CRTC1: variants seen among roughly 807,000 people sequenced by gnomAD.
CRTC1 encodes the protein CREB regulated transcription coactivator 1.
A neutral mutation model predicts 66.1 loss-of-function variants in CRTC1; 18 were observed. That is an observed-to-expected ratio of 0.27 (90% confidence interval 0.19 to 0.40). The LOEUF is 0.40. CRTC1 is among the 10% of genes least tolerant of loss of function. The probability of loss-of-function intolerance (pLI) is 1.00; values close to 1 mark genes in which losing one functional copy is unlikely to be tolerated. For synonymous variants in CRTC1, 416 were observed against 398.8 expected (o/e 1.04, Z -0.51); for missense variants, 669 against 887.9 (o/e 0.75, Z 3.13).
chr19:18,685,688 C>T (rs2052669835), intron 1 of CRTC1, among the ~76,000 whole-genome samples: 1 of 152,064 alleles, frequency 6.6e-6, no homozygotes. Flanking sequence ...AAGTGTGCAA[C>T]TTGAGCATCC....
At chr19:18,765,295 G>A in intron 8 of CRTC1, 109 bp from the exon 9 acceptor site, 3 of 1,455,890 alleles carry the variant, frequency 2.1e-6, no homozygotes, top group Non-Finnish European at 2.7e-6. Flanking sequence ...ATGGGCTTCT[G>A]TCTGAGCAGT....
chr19:18,708,094 G>T (rs574452936), intron 1 of CRTC1, among the ~76,000 whole-genome samples: 1 of 152,314 alleles, frequency 6.6e-6, no homozygotes, highest in African/African-American at 2.4e-5. Context: ...CCGAGTTGCC[G>T]GTGCAAGAGG....
chr19:18,721,697 GT>G (rs2053634109), intron 1 of CRTC1, among the ~76,000 whole-genome samples: 1 of 152,070 alleles, frequency 6.6e-6, no homozygotes, highest in African/African-American at 2.4e-5. Context: ...GTCTTGCTAT[GT>G]TGCCCAGGCT....
chr19:18,743,826 A>G (rs2054167775), intron 2 of CRTC1, among the ~76,000 whole-genome samples: 1 of 152,218 alleles, frequency 6.6e-6, no homozygotes, highest in East Asian at 1.9e-4. Context: ...AGTGCGGGCC[A>G]TCACTGATGC....
chr19:18,734,083 CAA>C lies in CRTC1; in HGVS notation c.127-8826_127-8825del, dbSNP rs541945712. Among the ~76,000 whole-genome samples, 19 of 150,706 alleles carry C rather than the reference CAA, an allele frequency of 1.3e-4. No individual in the cohort carries two copies. In the South Asian group the frequency reaches 3.8e-3, roughly 30 times the overall value. On this transcript the variant is annotated intron_variant, in intron 1 of 13. Transcript: ENST00000321949. ...CGCCACTCCACTGCAGCCTGGGTGA[CAA>C]GAGTGAGACTCCGTCTCAAAAAAAA... is the stretch of plus-strand genomic sequence containing the variant.
chr19:18,749,939 C>T (rs2054327242), intron 5 of CRTC1, 64 bp downstream of exon 5: 6 of 1,296,006 alleles, frequency 4.6e-6, no homozygotes, highest in Admixed American at 3.5e-5. Context: ...AACCCCTGTT[C>T]TCCAGGAGGT....
intron 1 of CRTC1, 34 bp downstream of exon 1, chr19:18,683,862 C>A (rs1005274114): frequency 9.3e-7 from 1 of 1,079,650 alleles, no homozygotes; most frequent in Non-Finnish European, 1.2e-6. Context: ...CCTTCAGGGC[C>A]GGCGGAGGGA....
chr19:18,737,297 G>A (rs2145705030), intron 1 of CRTC1, among the ~76,000 whole-genome samples: 2 of 152,072 alleles, frequency 1.3e-5, no homozygotes, highest in Middle Eastern at 3.4e-3. Flanking sequence ...CCCGGCGCAG[G>A]CTGTATCAGG....
intron 12 of CRTC1, 56 bp from the exon 13 acceptor site, chr19:18,775,585 G>A: frequency 6.9e-7 from 1 of 1,442,926 alleles, no homozygotes; most frequent in Non-Finnish European, 9.2e-7. Flanking sequence ...GGCTTGGGGT[G>A]GCCAGCTGGG....
intron 1 of CRTC1, among the ~76,000 whole-genome samples, chr19:18,713,864 C>G (rs899622970): frequency 9.2e-5 from 14 of 152,364 alleles, no homozygotes; most frequent in African/African-American, 3.4e-4. Flanking sequence ...GAGGACACAG[C>G]CCTGCAGTAT....
chr19:18,695,735 G>A (rs2052969436), intron 1 of CRTC1, among the ~76,000 whole-genome samples: 1 of 152,124 alleles, frequency 6.6e-6, no homozygotes, highest in Non-Finnish European at 1.5e-5. Context: ...CGTGGTGGTG[G>A]GCGCCTGTGG....
intron 1 of CRTC1, among the ~76,000 whole-genome samples, chr19:18,688,598 C>T (rs758842205): frequency 1.3e-5 from 2 of 151,974 alleles, no homozygotes; most frequent in Non-Finnish European, 2.9e-5. Context: ...ACCACCACGC[C>T]TGAGTAATTT....
chr19:18,781,240 C>G lies in CRTC1; in HGVS notation c.*3858C>G, dbSNP rs1163139698. The G allele has an allele frequency of 4.4e-6, 1 of 227,530 alleles. No individual in the cohort carries two copies. The highest frequency in any genetic ancestry group is 6.3e-5 in the East Asian group (1 of 15,958). The allele number at this position is 227,530 out of a possible 1,614,324, so 14.1% of individuals were successfully genotyped here. ...GGCCAGGGCGTGCGGGCGCCAGAGC[C>G]TTCCCTACACAGCCTAAGAGCAGGG... On this transcript the variant is annotated 3_prime_UTR_variant, in exon 14 of 14. Coordinates refer to ENST00000321949, the MANE Select transcript of CRTC1 (RefSeq NM_015321.3).
chr19:18,684,353 G>C (rs188851735), intron 1 of CRTC1, among the ~76,000 whole-genome samples: 11 of 152,204 alleles, frequency 7.2e-5, no homozygotes, highest in African/African-American at 2.6e-4. Flanking sequence ...GGGAGGGACA[G>C]ATGCCCTCCC....
In CRTC1 at chr19:18,771,373, G is replaced by A. The variant is rs1411679340; in HGVS notation, c.1321-69G>A. 1.3e-5 allele frequency: 18 copies of A among 1,385,620 alleles called. No individual in the cohort carries two copies. The highest frequency in any genetic ancestry group is 7.7e-5 in the East Asian group (3 of 38,844). The allele number at this position is 1,385,620 out of a possible 1,614,324, so 85.8% of individuals were successfully genotyped here. On this transcript the variant is annotated intron_variant, in intron 10 of 13. Coordinates refer to ENST00000321949, the MANE Select transcript of CRTC1 (RefSeq NM_015321.3). The surrounding 1 kb of genome is among the most constrained non-coding windows in gnomAD (Gnocchi z 4.6). The stretch of plus-strand genomic sequence containing the variant: ...CCTGGGGGCTGATCAGGCTGCTCCC[G>A]GGAAGCAGGGACTGGAGCCCGGGCT...
chr19:18,695,512 G>A (rs1040952272), intron 1 of CRTC1, among the ~76,000 whole-genome samples: 1 of 152,138 alleles, frequency 6.6e-6, no homozygotes, highest in Non-Finnish European at 1.5e-5. Context: ...TGGTTGTCAC[G>A]ACGGGGAATG....
At chr19:18,704,857 C>G (rs2053225675) in intron 1 of CRTC1, among the ~76,000 whole-genome samples, 1 of 152,052 alleles carries the variant, frequency 6.6e-6, no homozygotes, top group African/African-American at 2.4e-5. Flanking sequence ...TTTGCATCTT[C>G]CCGCACAGAA....
chr19:18,753,151 C>CTG (rs879733191), intron 5 of CRTC1, among the ~76,000 whole-genome samples: 77 of 152,006 alleles, frequency 5.1e-4, no homozygotes, highest in African/African-American at 1.5e-3. Context: ...TGGCGGGCAC[C>CTG]TGTAGTCCCA....
In CRTC1 at chr19:18,771,322, C is replaced by T; in HGVS notation, c.1321-120C>T. Reference sequence around the variant, plus strand: ...CTACCAGTGGGGTGGCGACCATCACCAAGGTGTGAGGGGCGGGGGGACCTG... The same window carrying T: ...CTACCAGTGGGGTGGCGACCATCACTAAGGTGTGAGGGGCGGGGGGACCTG... On this transcript the variant is annotated intron_variant, in intron 10 of 13. Coordinates refer to ENST00000321949, the MANE Select transcript of CRTC1 (RefSeq NM_015321.3). This position sits in a 1 kb window ranked among gnomAD's most constrained non-coding sequence, Gnocchi z 4.6. The T allele has an allele frequency of 1.3e-6, 1 of 776,328 alleles. No homozygotes were observed. Among genetic ancestry groups the T allele is most frequent in the Non-Finnish European group, 2.0e-6 (1 of 490,930 alleles). 48.1% of individuals were successfully genotyped at this position (776,328 alleles called of 1,614,324 possible). A position where few individuals can be genotyped will look rare whatever the true frequency, so the allele number is the denominator to read the frequency against.
Sources: gnomAD v4.1 joint callset for allele counts (sites outside exome capture counted in the v4.1 genomes callset) on GRCh38, gnomAD v4.1.1 for gene constraint, Gnocchi (gnomAD v3.1) non-coding constraint, MANE v1.5 for transcripts, NCBI Gene and HGNC (gene_info 2026-07-23, HGNC 2026-07-21) for gene names.